The following ARHGAP18 variants were observed in gnomAD, a reference collection of about 807,000 sequenced individuals.
ARHGAP18 encodes rho GTPase-activating protein 18.
A neutral mutation model predicts 86.2 loss-of-function variants in ARHGAP18; 67 were observed. That is an observed-to-expected ratio of 0.78 (90% CI 0.64 to 0.95). The LOEUF (loss-of-function observed/expected upper bound fraction) is 0.95, where lower values mean the gene tolerates loss of function less well. Ranked by LOEUF, ARHGAP18 falls within the 40% of genes least tolerant of loss-of-function variation. The pLI, the probability that ARHGAP18 is intolerant of heterozygous loss-of-function variation, is 0.00. For synonymous variants in ARHGAP18, 283 were observed against 280.4 expected (o/e 1.01, Z -0.09); for missense variants, 691 against 780.4 (o/e 0.89, Z 1.37).
chr6:129,678,924 G>C (rs1774278890), intron 1 of ARHGAP18, among the ~76,000 whole-genome samples: 1 of 152,150 alleles, frequency 6.6e-6, no homozygotes, highest in Admixed American at 6.5e-5. Context: ...ATCACAAACA[G>C]AAAACTACTT....
intron 1 of ARHGAP18, among the ~76,000 whole-genome samples, chr6:129,669,086 C>T (rs905368561): frequency 6.6e-6 from 1 of 152,112 alleles, no homozygotes; most frequent in Admixed American, 6.5e-5. Flanking sequence ...GTAGGACAGG[C>T]TGTGTGCTCA....
At chr6:129,664,687 A>T (rs968860155) in intron 1 of ARHGAP18, among the ~76,000 whole-genome samples, 13 of 152,230 alleles carry the variant, frequency 8.5e-5, no homozygotes, top group Non-Finnish European at 1.5e-4. Context: ...TATGTATCAG[A>T]TACACTCTAA....
At chr6:129,594,951 T>C (rs907363827) in intron 12 of ARHGAP18, among the ~76,000 whole-genome samples, 7 of 152,192 alleles carry the variant, frequency 4.6e-5, no homozygotes, top group Non-Finnish European at 1.0e-4. Context: ...TTCTGTGATC[T>C]ATGGAGAAAC....
intron 1 of ARHGAP18, among the ~76,000 whole-genome samples, chr6:129,689,115 A>G (rs146406512): frequency 1.6e-4 from 24 of 152,210 alleles, no homozygotes; most frequent in African/African-American, 5.8e-4. Flanking sequence ...GGAGGAATAA[A>G]TGGGTGCTGC....
intron 8 of ARHGAP18, 148 bp downstream of exon 8, chr6:129,611,385 C>T: frequency 1.6e-6 from 1 of 634,734 alleles, no homozygotes; most frequent in South Asian, 2.4e-5. Context: ...TGTAGAAAAA[C>T]TAAACTGAAT....
intron 12 of ARHGAP18, among the ~76,000 whole-genome samples, chr6:129,590,370 C>A (rs1328780454): frequency 1.3e-5 from 2 of 152,098 alleles, no homozygotes; most frequent in Admixed American, 6.6e-5. Flanking sequence ...AATCTAGGAT[C>A]TTTCTGATAG....
At chr6:129,583,850 A>G (rs1345539868) in intron 13 of ARHGAP18, 138 bp downstream of exon 13, 8 of 1,076,704 alleles carry the variant, frequency 7.4e-6, no homozygotes, top group South Asian at 1.7e-5. Flanking sequence ...TGCTGGGAAG[A>G]CAATATTTTT....
At chr6:129,642,378 G>T (rs1327026338) in intron 1 of ARHGAP18, among the ~76,000 whole-genome samples, 1 of 151,934 alleles carries the variant, frequency 6.6e-6, no homozygotes, top group Admixed American at 6.6e-5. Context: ...CCAAATTACT[G>T]GGCTCAAGTG....
chr6:129,615,686 C>T (rs9388717), intron 7 of ARHGAP18, among the ~76,000 whole-genome samples: 66,265 of 151,990 alleles, frequency 0.44, 14,781 homozygotes, highest in Middle Eastern at 0.49. Flanking sequence ...AGAGGTTGGA[C>T]GGAAATTTTT....
At chr6:129,582,704 G>A (rs1366419710) in intron 13 of ARHGAP18, among the ~76,000 whole-genome samples, 2 of 152,186 alleles carry the variant, frequency 1.3e-5, no homozygotes. Flanking sequence ...ATGATGCTCT[G>A]TAGATCCTCC....
At chr6:129,692,370 A>G (rs370974828) in intron 1 of ARHGAP18, among the ~76,000 whole-genome samples, 16 of 152,240 alleles carry the variant, frequency 1.1e-4, no homozygotes, top group African/African-American at 3.6e-4. Context: ...GAGTTCATTC[A>G]TATTTTCCTT....
intron 4 of ARHGAP18, among the ~76,000 whole-genome samples, chr6:129,631,611 T>A (rs982326514): frequency 7.2e-5 from 11 of 152,150 alleles, no homozygotes; most frequent in African/African-American, 2.4e-4. Context: ...ATAAAATTTC[T>A]GTCATCTAGT....
chr6:129,649,904 CT>C (rs370338328), intron 1 of ARHGAP18, among the ~76,000 whole-genome samples: 3,018 of 115,616 alleles, frequency 0.026, 132 homozygotes, highest in African/African-American at 0.11. Context: ...ACTTCGTCTT[CT>C]TTTTTTTTGT....
intron 12 of ARHGAP18, among the ~76,000 whole-genome samples, chr6:129,588,552 C>T (rs1257879144): frequency 3.3e-5 from 5 of 152,326 alleles, no homozygotes; most frequent in Admixed American, 6.5e-5. Flanking sequence ...GACCCCCTCC[C>T]GGCTGCTTTC....
intron 5 of ARHGAP18, among the ~76,000 whole-genome samples, chr6:129,628,961 A>G (rs1773110781): frequency 6.6e-6 from 1 of 152,368 alleles, no homozygotes; most frequent in South Asian, 2.1e-4. Flanking sequence ...AGATAGATAT[A>G]GAAAAGAAAA....
intron 1 of ARHGAP18, among the ~76,000 whole-genome samples, chr6:129,678,058 T>C (rs1024142487): frequency 1.3e-4 from 20 of 152,208 alleles, no homozygotes; most frequent in African/African-American, 4.3e-4. Context: ...TCTACCAAAG[T>C]AGAATTGTCC....
At chr6:129,645,021 T>C (rs141791352) in intron 1 of ARHGAP18, among the ~76,000 whole-genome samples, 1,693 of 152,322 alleles carry the variant, frequency 0.011, 6 homozygotes, top group Non-Finnish European at 0.019. Context: ...GTATTTTTTT[T>C]TGATCACTGG....
chr6:129,611,991 T>C (rs1296599372), intron 7 of ARHGAP18, among the ~76,000 whole-genome samples: 3 of 152,216 alleles, frequency 2.0e-5, no homozygotes, highest in Admixed American at 6.5e-5. Context: ...ATTTGCATAT[T>C]TACATCTCAT....
chr6:129,663,439 T>G (rs185320495), intron 1 of ARHGAP18, among the ~76,000 whole-genome samples: 28 of 152,332 alleles, frequency 1.8e-4, no homozygotes, highest in Non-Finnish European at 3.5e-4. Flanking sequence ...ATCCTCTGCA[T>G]CCTGTTTCCT....
Sources: allele counts gnomAD v4.1 joint callset (sites outside exome capture counted in the v4.1 genomes callset), GRCh38; gene constraint gnomAD v4.1.1; transcripts MANE v1.5; gene names NCBI Gene and HGNC (gene_info 2026-07-23, HGNC 2026-07-21).